GRID2: variants seen among roughly 807,000 people sequenced by gnomAD.
GRID2 encodes glutamate ionotropic receptor delta type subunit 2.
Under a neutral mutation model 114.8 loss-of-function variants are expected in GRID2, and 33 were observed. The ratio of observed to expected loss-of-function variants is 0.29; its 90% CI spans 0.22 to 0.38. The LOEUF (loss-of-function observed/expected upper bound fraction) is 0.38, where lower values mean the gene tolerates loss of function less well. Among genes scored for constraint, GRID2 ranks in the 10% least tolerant of loss-of-function variants. GRID2 has a pLI of 1.00. For synonymous variants in GRID2, 505 were observed against 449.9 expected (o/e 1.12, Z -1.55); for missense variants, 1,184 against 1,257.7 (o/e 0.94, Z 0.89).
At chr4:92,836,041 G>T (rs1029570590) in intron 2 of GRID2, among the ~76,000 whole-genome samples, 2 of 152,108 alleles carry the variant, frequency 1.3e-5, no homozygotes, top group African/African-American at 4.8e-5. Context: ...GCAAACTGTA[G>T]CCTGCAAGTC....
chr4:93,049,551 G>T (rs141731271), intron 2 of GRID2, among the ~76,000 whole-genome samples: 51 of 151,176 alleles, frequency 3.4e-4, no homozygotes, highest in African/African-American at 1.2e-3. Flanking sequence ...CAAACTTTAG[G>T]CCACAATTTT....
intron 1 of GRID2, among the ~76,000 whole-genome samples, chr4:93,785,665 A>G (rs939540543): frequency 6.6e-6 from 1 of 152,244 alleles, no homozygotes; most frequent in Admixed American, 6.5e-5. Context: ...CTAAGAAGCC[A>G]TTGAAGACTT....
chr4:93,144,755 T>C (rs1371098456), intron 4 of GRID2, among the ~76,000 whole-genome samples: 1 of 148,302 alleles, frequency 6.7e-6, no homozygotes, highest in Non-Finnish European at 1.5e-5. Context: ...TAAACAACAA[T>C]ATTTCTTCAT....
In GRID2 at chr4:93,145,244, A is replaced by C. The variant is rs541796149; in HGVS notation, c.735+34291A>C. On this transcript the variant is annotated intron_variant, in intron 4 of 15. Transcript: ENST00000282020. ...ATCTTTCCCTCCAACCACTACAATG[A>C]AAACTCTGTTACGAAGGGAATTTTT... is the stretch of plus-strand genomic sequence containing the variant. Among the ~76,000 whole-genome samples, 10 of 152,258 alleles carry C rather than the reference A, an allele frequency of 6.6e-5. No homozygotes were observed. In the South Asian group the frequency reaches 1.9e-3, roughly 28 times the overall value.
intron 4 of GRID2, among the ~76,000 whole-genome samples, chr4:93,163,398 A>AG: frequency 5.0e-5 from 2 of 39,986 alleles, no homozygotes; most frequent in African/African-American, 1.9e-4. Context: ...ATATATATAT[A>AG]TACACTATAT....
intron 5 of GRID2, 111 bp from the exon 6 acceptor site, chr4:93,216,626 CA>C: frequency 1.4e-6 from 1 of 709,630 alleles, no homozygotes; most frequent in Non-Finnish European, 2.4e-6. Flanking sequence ...GCATTAAAAC[CA>C]ATATATTACA....
intron 2 of GRID2, among the ~76,000 whole-genome samples, chr4:92,791,151 A>T (rs957775911): frequency 6.6e-6 from 1 of 151,824 alleles, no homozygotes; most frequent in African/African-American, 2.4e-5. Flanking sequence ...AAATTGTTCC[A>T]GCTTACTAAT....
chr4:93,572,177 A>T (rs541992112), intron 13 of GRID2, among the ~76,000 whole-genome samples: 1 of 152,230 alleles, frequency 6.6e-6, no homozygotes, highest in South Asian at 2.1e-4. Context: ...GGATTGTATA[A>T]AGACATCGGC....
rs1725351115 is a variant in GRID2 at position 92,305,595 on chromosome 4, C to A, written c.88+851C>A. On this transcript the variant is annotated intron_variant, in intron 1 of 15. Transcript: ENST00000282020. Reference sequence around the variant, plus strand: ...GCAGACAGCGAAGGCGCCGGGACTACTGCGGGCCGCGACTCTGAGAAGGAC... The same window carrying A: ...GCAGACAGCGAAGGCGCCGGGACTAATGCGGGCCGCGACTCTGAGAAGGAC... Among the ~76,000 whole-genome samples the A allele has an allele frequency of 3.3e-5, 5 of 152,280 alleles. No homozygotes were observed. In the South Asian group the frequency reaches 1.0e-3, roughly 32 times the overall value.
intron 1 of GRID2, among the ~76,000 whole-genome samples, chr4:92,583,382 C>A (rs1728270835): frequency 1.3e-5 from 2 of 152,002 alleles, no homozygotes; most frequent in African/African-American, 4.8e-5. Flanking sequence ...ATATCCAGCA[C>A]CTCCTTTCCA....
intron 2 of GRID2, among the ~76,000 whole-genome samples, chr4:92,658,832 C>T (rs183257675): frequency 7.6e-6 from 1 of 131,180 alleles, no homozygotes; most frequent in East Asian, 2.8e-4. Context: ...CACACACAAT[C>T]ACATTCATTG....
intron 1 of GRID2, among the ~76,000 whole-genome samples, chr4:93,795,622 T>C (rs1734780834): frequency 6.6e-6 from 1 of 152,210 alleles, no homozygotes; most frequent in Non-Finnish European, 1.5e-5. Context: ...TGTATTTCTT[T>C]AATAGATTAT....
At chr4:93,210,932 T>G (rs1404431116) in intron 5 of GRID2, among the ~76,000 whole-genome samples, 1 of 152,100 alleles carries the variant, frequency 6.6e-6, no homozygotes, top group Non-Finnish European at 1.5e-5. Context: ...CTACACAGAT[T>G]TCCTGATGCA....
At chr4:92,692,555 C>T (rs1323608056) in intron 2 of GRID2, among the ~76,000 whole-genome samples, 1 of 151,910 alleles carries the variant, frequency 6.6e-6, no homozygotes, top group Non-Finnish European at 1.5e-5. Context: ...TTTTTAAAGC[C>T]TTAGTCAAAA....
At chr4:92,651,524 C>T (rs773012930) in intron 2 of GRID2, among the ~76,000 whole-genome samples, 51 of 152,020 alleles carry the variant, frequency 3.4e-4, no homozygotes, top group Non-Finnish European at 2.2e-4. Context: ...TTAAAATTCT[C>T]CACTAGCTAG....
chr4:93,702,658 G>A (rs1262503741), intron 14 of GRID2, among the ~76,000 whole-genome samples: 1 of 152,092 alleles, frequency 6.6e-6, no homozygotes, highest in Non-Finnish European at 1.5e-5. Flanking sequence ...AATAGCTTCT[G>A]AAAGTGTTTG....
At position 92,651,856 on chromosome 4, in the gene GRID2, G is replaced by T. The variant is rs1307504484; in HGVS notation, c.244+61570G>T. Among the ~76,000 whole-genome samples, 2 of 152,106 alleles carry T rather than the reference G, an allele frequency of 1.3e-5. 1 individual carries two copies. Among genetic ancestry groups the T allele is most frequent in the Non-Finnish European group, 2.9e-5 (2 of 68,008 alleles). On this transcript the variant is annotated intron_variant, in intron 2 of 15. Transcript: ENST00000282020. Reference sequence around the variant, plus strand: ...GTAGTACTGCAGCTGTCCACTTTCAGGTCATGTCTGCATATTGTGCAGAAC... The same window carrying T: ...GTAGTACTGCAGCTGTCCACTTTCATGTCATGTCTGCATATTGTGCAGAAC...
intron 13 of GRID2, among the ~76,000 whole-genome samples, chr4:93,587,673 A>C (rs887162556): frequency 6.6e-6 from 1 of 152,166 alleles, no homozygotes; most frequent in Admixed American, 6.6e-5. Flanking sequence ...AGTCTTTTAC[A>C]CTGTGTTCTA....
intron 8 of GRID2, among the ~76,000 whole-genome samples, chr4:93,267,639 A>G (rs1579486075): frequency 6.6e-6 from 1 of 152,314 alleles, no homozygotes; most frequent in East Asian, 1.9e-4. Context: ...CACCCGGGTC[A>G]AAACCACACC....
Sources: gnomAD v4.1 joint callset for allele counts (sites outside exome capture counted in the v4.1 genomes callset) on GRCh38, gnomAD v4.1.1 for gene constraint, MANE v1.5 for transcripts, NCBI Gene and HGNC (gene_info 2026-07-23, HGNC 2026-07-21) for gene names.